CTNNA2: variants seen among roughly 807,000 people sequenced by gnomAD.
CTNNA2 encodes catenin alpha-2.
CTNNA2 carries 42 observed loss-of-function variants against 101.0 expected under a neutral mutation model. The observed-to-expected ratio is 0.42, with a 90% confidence interval of 0.32 to 0.54. The LOEUF is 0.54. Ranked by LOEUF, CTNNA2 falls within the 20% of genes least tolerant of loss-of-function variation. CTNNA2 has a pLI of 0.14. For missense variants in CTNNA2, 871 were observed against 1,223.1 expected, an observed-to-expected ratio of 0.71 and a Z score of 4.29; for synonymous variants, 450 against 456.4, an observed-to-expected ratio of 0.99 and a Z score of 0.18.
chr2:79,916,256 C>T (rs1347547222), intron 7 of CTNNA2, among the ~76,000 whole-genome samples: 1 of 152,134 alleles, frequency 6.6e-6, no homozygotes, highest in Non-Finnish European at 1.5e-5. Flanking sequence ...AATGGCCCTG[C>T]ATTCTAACGC....
chr2:79,902,629 C>CTT (rs111234732), intron 6 of CTNNA2, among the ~76,000 whole-genome samples: 41 of 142,314 alleles, frequency 2.9e-4, no homozygotes, highest in Middle Eastern at 3.8e-3. Context: ...TCTTCCTCTT[C>CTT]TTTTTTTTTT....
At chr2:80,052,418 A>G (rs532030032) in intron 7 of CTNNA2, among the ~76,000 whole-genome samples, 1 of 152,346 alleles carries the variant, frequency 6.6e-6, no homozygotes, top group African/African-American at 2.4e-5. Flanking sequence ...ATAGCTACTA[A>G]TTCAAGCCAT....
chr2:80,561,114 G>A (rs551434035), intron 12 of CTNNA2, among the ~76,000 whole-genome samples: 1 of 152,238 alleles, frequency 6.6e-6, no homozygotes, highest in South Asian at 2.1e-4. Flanking sequence ...GGACAGGTCT[G>A]AGTGACCTGC....
At chr2:79,738,762 G>A (rs1317577912) in intron 2 of CTNNA2, among the ~76,000 whole-genome samples, 1 of 152,170 alleles carries the variant, frequency 6.6e-6, no homozygotes, top group South Asian at 2.1e-4. Flanking sequence ...CAGGAGGTGA[G>A]AGGATTAAAG....
intron 7 of CTNNA2, among the ~76,000 whole-genome samples, chr2:80,190,667 A>G (rs894759719): frequency 1.3e-5 from 2 of 152,120 alleles, no homozygotes; most frequent in African/African-American, 4.8e-5. Flanking sequence ...TTACCCTTCT[A>G]TGTGGCCCCT....
intron 17 of CTNNA2, among the ~76,000 whole-genome samples, chr2:80,612,759 A>G (rs1573455643): frequency 6.6e-6 from 1 of 151,402 alleles, no homozygotes; most frequent in African/African-American, 2.4e-5. Context: ...TAATTTTTAT[A>G]TCTTCTATTT....
At chr2:79,380,996 G>A (rs771720341) in intron 4 of CTNNA2, among the ~76,000 whole-genome samples, 34 of 152,270 alleles carry the variant, frequency 2.2e-4, no homozygotes, top group Non-Finnish European at 3.7e-4. Context: ...TAGAAAACAG[G>A]TAAGCACTGA....
chr2:79,375,336 A>T (rs903603793), intron 4 of CTNNA2, among the ~76,000 whole-genome samples: 4 of 152,166 alleles, frequency 2.6e-5, no homozygotes, highest in African/African-American at 9.7e-5. Context: ...GAATTGCAGT[A>T]AATAAGTGAA....
intron 4 of CTNNA2, among the ~76,000 whole-genome samples, chr2:79,458,012 G>T (rs770628269): frequency 4.6e-5 from 7 of 152,128 alleles, no homozygotes; most frequent in African/African-American, 9.7e-5. Flanking sequence ...GCAGCTGCAG[G>T]ATCTGTGCTG....
At chr2:79,642,144 G>A (rs1680489834) in intron 1 of CTNNA2, among the ~76,000 whole-genome samples, 1 of 152,122 alleles carries the variant, frequency 6.6e-6, no homozygotes, top group African/African-American at 2.4e-5. Flanking sequence ...ATGCATTTAT[G>A]CTTTGACATT....
At chr2:79,932,519 C>T (rs1407889409) in intron 7 of CTNNA2, among the ~76,000 whole-genome samples, 3 of 149,678 alleles carry the variant, frequency 2.0e-5, no homozygotes, top group Non-Finnish European at 4.4e-5. Flanking sequence ...TTTCTTAATG[C>T]TAGATCAATG....
chr2:80,552,469 C>G (rs1692653307), intron 11 of CTNNA2, among the ~76,000 whole-genome samples: 1 of 152,138 alleles, frequency 6.6e-6, no homozygotes, highest in South Asian at 2.1e-4. Context: ...ATCAATATAA[C>G]TACTATCATG....
At chr2:80,193,060 C>A (rs375684723) in intron 7 of CTNNA2, among the ~76,000 whole-genome samples, 1 of 152,146 alleles carries the variant, frequency 6.6e-6, no homozygotes, top group Non-Finnish European at 1.5e-5. Context: ...TTCTCAGTGA[C>A]TAACCTTCAG....
At chr2:79,610,113 TTAAA>T (rs1678166848) in intron 1 of CTNNA2, among the ~76,000 whole-genome samples, 1 of 152,046 alleles carries the variant, frequency 6.6e-6, no homozygotes, top group South Asian at 2.1e-4. Context: ...GAGAAATAAT[TTAAA>T]TAGCATCTAT....
intron 18 of CTNNA2, among the ~76,000 whole-genome samples, chr2:80,622,609 A>G (rs1368317200): frequency 6.6e-6 from 1 of 151,908 alleles, no homozygotes; most frequent in African/African-American, 2.4e-5. Flanking sequence ...ACTCTTGGGA[A>G]TAGGTTATTG....
chr2:79,450,330 A>C (rs928676290), intron 4 of CTNNA2, among the ~76,000 whole-genome samples: 6 of 152,066 alleles, frequency 3.9e-5, no homozygotes, highest in African/African-American at 1.4e-4. Context: ...CATACATAAC[A>C]AAAGGGCTGC....
chr2:79,218,353 T>TGTG (rs1305328019), intron 2 of CTNNA2, among the ~76,000 whole-genome samples: 3 of 30,168 alleles, frequency 9.9e-5, no homozygotes, highest in African/African-American at 1.7e-4. Flanking sequence ...GTGTGTGTAT[T>TGTG]TTTTTTTTTT....
intron 3 of CTNNA2, among the ~76,000 whole-genome samples, chr2:79,781,285 T>C (rs1674405013): frequency 1.3e-5 from 2 of 152,218 alleles, no homozygotes; most frequent in Non-Finnish European, 2.9e-5. Context: ...GAGATCACTC[T>C]CGTCACCATC....
At chr2:80,567,868 C>A (rs1382752230) in intron 12 of CTNNA2, among the ~76,000 whole-genome samples, 1 of 152,054 alleles carries the variant, frequency 6.6e-6, no homozygotes, top group Non-Finnish European at 1.5e-5. Context: ...TTTTAGATTC[C>A]TTTCAATGCT....
Sources: gnomAD v4.1 joint callset for allele counts (sites outside exome capture counted in the v4.1 genomes callset) on GRCh38, gnomAD v4.1.1 for gene constraint, MANE v1.5 for transcripts, NCBI Gene and HGNC (gene_info 2026-07-23, HGNC 2026-07-21) for gene names.